The following TAF2 variants were observed in gnomAD, a reference collection of about 807,000 sequenced individuals.
TAF2 encodes the protein transcription initiation factor TFIID subunit 2.
Under a neutral mutation model 138.5 loss-of-function variants are expected in TAF2, and 61 were observed. The ratio of observed to expected loss-of-function variants is 0.44; its 90% CI spans 0.36 to 0.54. TAF2 has a LOEUF of 0.54. Among genes scored for constraint, TAF2 ranks in the 20% least tolerant of loss-of-function variants. The pLI is 0.00. For synonymous variants in TAF2, 475 were observed against 469.9 expected (o/e 1.01, Z -0.14); for missense variants, 1,090 against 1,427.9 (o/e 0.76, Z 3.81).
chr8:119,768,304 C>T (rs1212192445), intron 18 of TAF2, among the ~76,000 whole-genome samples: 2 of 152,198 alleles, frequency 1.3e-5, no homozygotes, highest in African/African-American at 2.4e-5. Flanking sequence ...GGAGGTTTGC[C>T]TCGTCCAGTC....
At chr8:119,809,415 C>G (rs1358949550) in intron 3 of TAF2, among the ~76,000 whole-genome samples, 2 of 152,150 alleles carry the variant, frequency 1.3e-5, no homozygotes, top group Non-Finnish European at 1.5e-5. Context: ...AAACCTACTC[C>G]ACATCAGCAA....
intron 5 of TAF2, 40 bp downstream of exon 5, chr8:119,803,838 T>C (rs1824433426): frequency 1.3e-6 from 2 of 1,567,500 alleles, no homozygotes; most frequent in Admixed American, 1.8e-5. Flanking sequence ...AAAAATGCAA[T>C]TTAAAAATTA....
intron 2 of TAF2, among the ~76,000 whole-genome samples, chr8:119,825,347 A>G (rs1826029751): frequency 6.6e-6 from 1 of 152,252 alleles, no homozygotes; most frequent in Non-Finnish European, 1.5e-5. Flanking sequence ...GTATCTAGGC[A>G]GTAACTAACT....
intron 25 of TAF2, among the ~76,000 whole-genome samples, chr8:119,733,815 T>C (rs1448804144): frequency 1.3e-5 from 2 of 151,622 alleles, no homozygotes; most frequent in African/African-American, 4.8e-5. Flanking sequence ...GCAACTGTAT[T>C]AATTCAGACC....
At chr8:119,754,556 G>A (rs1240652276) in intron 22 of TAF2, among the ~76,000 whole-genome samples, 8 of 151,968 alleles carry the variant, frequency 5.3e-5, no homozygotes, top group East Asian at 1.9e-4. Flanking sequence ...GGTGGTAGGC[G>A]CCTGTAATCC....
At chr8:119,789,848 G>T in intron 11 of TAF2, 102 bp from the exon 12 acceptor site, 1 of 1,162,998 alleles carries the variant, frequency 8.6e-7, no homozygotes, top group Non-Finnish European at 1.2e-6. Flanking sequence ...AATTATAGAA[G>T]ACAATAATTT....
At chr8:119,789,516 C>T in intron 12 of TAF2, 76 bp downstream of exon 12, 1 of 1,565,106 alleles carries the variant, frequency 6.4e-7, no homozygotes, top group South Asian at 1.1e-5. Flanking sequence ...CCTCAAACCT[C>T]TCTTCTTCCA....
chr8:119,809,129 G>C (rs947252897), intron 3 of TAF2, among the ~76,000 whole-genome samples: 1 of 152,218 alleles, frequency 6.6e-6, no homozygotes, highest in Non-Finnish European at 1.5e-5. Flanking sequence ...CTGTTGCTTA[G>C]TGTAGCAACC....
At chr8:119,750,461 G>A (rs1341959585) in intron 22 of TAF2, among the ~76,000 whole-genome samples, 1 of 152,182 alleles carries the variant, frequency 6.6e-6, no homozygotes, top group East Asian at 1.9e-4. Flanking sequence ...CTTATTGATG[G>A]CTGAAGCTTA....
intron 9 of TAF2, 82 bp downstream of exon 9, chr8:119,795,450 C>T (rs1417364724): frequency 2.5e-6 from 3 of 1,200,124 alleles, no homozygotes; most frequent in African/African-American, 3.0e-5. Context: ...GATTTTCAAG[C>T]AGTATTTTAA....
chr8:119,737,343 T>C (rs971500237), intron 25 of TAF2, among the ~76,000 whole-genome samples: 1 of 151,946 alleles, frequency 6.6e-6, no homozygotes, highest in African/African-American at 2.4e-5. Context: ...TTATATTATA[T>C]TTGGGATTCA....
chr8:119,829,317 T>C (rs1826292529), intron 2 of TAF2, among the ~76,000 whole-genome samples: 1 of 152,124 alleles, frequency 6.6e-6, no homozygotes, highest in South Asian at 2.1e-4. Flanking sequence ...AGCAGTAGCT[T>C]CATTCTTCTA....
chr8:119,832,776 C>CA lies in TAF2; in HGVS notation c.-213dup, dbSNP rs1826550065. The stretch of plus-strand genomic sequence containing the variant: ...GAAGCCGCCGTCGACAAGCTTCTGT[C>CA]ACAGAGATGCTCCTCTCCGCAAGGG... On this transcript the variant is annotated 5_prime_UTR_variant, in exon 1 of 26. The change abolishes the stop of an existing upstream ORF in the 5' untranslated region. Transcript: ENST00000378164. The CA allele has an allele frequency of 2.0e-6, 1 of 509,456 alleles. No individual in the cohort carries two copies. 31.6% of individuals were successfully genotyped at this position (509,456 alleles called of 1,614,324 possible). A position where few individuals can be genotyped will look rare whatever the true frequency, so the allele number is the denominator to read the frequency against.
At chr8:119,818,452 G>A (rs924625863) in intron 3 of TAF2, among the ~76,000 whole-genome samples, 1 of 152,102 alleles carries the variant, frequency 6.6e-6, no homozygotes, top group Admixed American at 6.6e-5. Flanking sequence ...ATAACCCAAT[G>A]TTATCAAAGC....
At chr8:119,788,749 A>G (rs1482273601) in intron 13 of TAF2, 41 bp downstream of exon 13, 3 of 1,346,700 alleles carry the variant, frequency 2.2e-6, no homozygotes, top group Non-Finnish European at 3.2e-6. Context: ...ATTGAAACTG[A>G]GGAGATAGCA....
chr8:119,818,042 A>AT (rs1453706566), intron 3 of TAF2, among the ~76,000 whole-genome samples: 12 of 152,228 alleles, frequency 7.9e-5, no homozygotes, highest in South Asian at 6.2e-4. Context: ...TTCCAATCCC[A>AT]TTTGTGTATC....
At chr8:119,824,423 C>T (rs13254558) in intron 2 of TAF2, among the ~76,000 whole-genome samples, 15,980 of 128,246 alleles carry the variant, frequency 0.12, 1,087 homozygotes, top group Non-Finnish European at 0.16. Context: ...AGTGAGACTC[C>T]GTCTCAAAAA....
intron 18 of TAF2, among the ~76,000 whole-genome samples, chr8:119,771,454 T>C (rs922229619): frequency 3.9e-5 from 6 of 152,064 alleles, no homozygotes; most frequent in Non-Finnish European, 7.4e-5. Context: ...CAGGCTGATC[T>C]TGTACTCCTG....
At chr8:119,767,690 G>A (rs1311691421) in intron 18 of TAF2, among the ~76,000 whole-genome samples, 2 of 152,212 alleles carry the variant, frequency 1.3e-5, no homozygotes, top group East Asian at 1.9e-4. Context: ...AGACAGATAC[G>A]GCAGCCACAG....
Sources: gnomAD v4.1 joint callset for allele counts (sites outside exome capture counted in the v4.1 genomes callset) on GRCh38, gnomAD v4.1.1 for gene constraint, MANE v1.5 for transcripts, NCBI Gene and HGNC (gene_info 2026-07-23, HGNC 2026-07-21) for gene names.